The following SEMA3A variants were observed in gnomAD, a reference collection of about 807,000 sequenced individuals.
The protein encoded by SEMA3A is semaphorin-3A.
In SEMA3A, 29 loss-of-function variants were observed where a neutral mutation model predicts 97.9. The ratio of observed to expected loss-of-function variants is 0.30; its 90% CI spans 0.22 to 0.40. The LOEUF (loss-of-function observed/expected upper bound fraction) is 0.40. Among genes scored for constraint, SEMA3A ranks in the 10% least tolerant of loss-of-function variants. The pLI, the probability that SEMA3A is intolerant of heterozygous loss-of-function variation, is 1.00. For missense variants in SEMA3A, 763 were observed against 951.3 expected (o/e 0.80, Z 2.60); for synonymous variants, 321 against 323.7 (o/e 0.99, Z 0.09).
At chr7:83,983,836 A>C (rs1304554569) in intron 13 of SEMA3A, among the ~76,000 whole-genome samples, 1 of 152,096 alleles carries the variant, frequency 6.6e-6, no homozygotes, top group Admixed American at 6.6e-5. Context: ...CTCCTTAACA[A>C]AGTGTGGGGT....
At chr7:84,171,553 G>T (rs1157946335) in intron 1 of SEMA3A, among the ~76,000 whole-genome samples, 1 of 151,898 alleles carries the variant, frequency 6.6e-6, no homozygotes, top group Non-Finnish European at 1.5e-5. Flanking sequence ...TAACATAAAG[G>T]TCTCAATTTA....
chr7:84,181,964 A>G (rs933493939), intron 1 of SEMA3A, among the ~76,000 whole-genome samples: 4 of 152,246 alleles, frequency 2.6e-5, no homozygotes, highest in African/African-American at 9.6e-5. Flanking sequence ...TCTTCCAGAA[A>G]AACTCTATAA....
intron 6 of SEMA3A, among the ~76,000 whole-genome samples, chr7:84,021,256 A>G (rs1791317383): frequency 6.7e-6 from 1 of 150,304 alleles, no homozygotes; most frequent in Non-Finnish European, 1.5e-5. Flanking sequence ...TACTGTCTTT[A>G]TAAGCTTGTT....
At chr7:84,093,068 G>T (rs1449656573) in intron 4 of SEMA3A, among the ~76,000 whole-genome samples, 1 of 152,044 alleles carries the variant, frequency 6.6e-6, no homozygotes, top group Non-Finnish European at 1.5e-5. Context: ...GAAATATGGA[G>T]ATACTACGTT....
intron 12 of SEMA3A, among the ~76,000 whole-genome samples, chr7:83,993,730 T>C (rs1365218166): frequency 1.8e-5 from 2 of 109,640 alleles, no homozygotes; most frequent in Non-Finnish European, 3.7e-5. Context: ...CCGACCTTTC[T>C]CTCTGGCTGC....
rs990057132 is a variant in SEMA3A, at chr7:84,397,003, G to A, written c.-245-25103C>T. On this transcript the variant is annotated intron_variant, in intron 1 of 3. Coordinates refer to the SEMA3A transcript ENST00000424555. ...AAAGGTATGTGTTTATTTTTGTTCTGTACCAATCAGAACATAAATGGCAAC... is the reference window on the plus strand; with the variant it reads ...AAAGGTATGTGTTTATTTTTGTTCTATACCAATCAGAACATAAATGGCAAC... 7.2e-5 allele frequency among the ~76,000 whole-genome samples: 11 copies of A among 151,820 alleles called. No individual in the cohort carries two copies. In the East Asian group the frequency reaches 1.9e-3, roughly 27 times the overall value.
chr7:84,414,223 G>A (rs1804362679), intron 1 of SEMA3A, among the ~76,000 whole-genome samples: 1 of 151,994 alleles, frequency 6.6e-6, no homozygotes, highest in African/African-American at 2.4e-5. Context: ...CTATGCACCT[G>A]TGTATGAACA....
At chr7:84,304,029 G>A (rs1214891773) in intron 3 of SEMA3A, among the ~76,000 whole-genome samples, 1 of 152,002 alleles carries the variant, frequency 6.6e-6, no homozygotes, top group Non-Finnish European at 1.5e-5. Context: ...CCATACCAAA[G>A]GTTCTTATTC....
chr7:84,475,232 T>TAG (rs559534125), intron 1 of SEMA3A, among the ~76,000 whole-genome samples: 180 of 152,100 alleles, frequency 1.2e-3, no homozygotes, highest in African/African-American at 3.9e-3. Flanking sequence ...AATGGATTGT[T>TAG]AGAGAGAGAG....
chr7:84,418,438 AC>A (rs1035357483), intron 1 of SEMA3A, among the ~76,000 whole-genome samples: 6 of 152,012 alleles, frequency 3.9e-5, no homozygotes, highest in African/African-American at 1.4e-4. Context: ...ACCAGGTCCC[AC>A]CCACAACATG....
intron 14 of SEMA3A, among the ~76,000 whole-genome samples, chr7:83,978,528 T>G (rs983767916): frequency 6.6e-6 from 1 of 152,212 alleles, no homozygotes; most frequent in African/African-American, 2.4e-5. Context: ...GCTGCTGCTA[T>G]TTTAATGGGT....
chr7:84,283,001 A>G lies in SEMA3A; in HGVS notation c.-83+24206T>C, dbSNP rs1273138972. ...TGCACTCTAGCCTGGGCAATAGAGT[A>G]AGACTCCATCTAAAAAAAAAGCATT... On this transcript the variant is annotated intron_variant, in intron 3 of 3. Coordinates refer to the SEMA3A transcript ENST00000424555. 2.0e-5 allele frequency among the ~76,000 whole-genome samples: 3 copies of G among 151,852 alleles called. No individual in the cohort carries two copies. The East Asian group carries it at 5.8e-4, about 29-fold the overall frequency.
At chr7:84,489,007 T>C (rs1806653218) in intron 1 of SEMA3A, 1 of 152,198 alleles carries the variant, frequency 6.6e-6, no homozygotes, top group African/African-American at 2.4e-5. Flanking sequence ...TTACACTATT[T>C]ACTACCTGTA....
rs894034082 is a variant in SEMA3A at position 84,049,699 on chromosome 7, C to CT, written c.548-3257dup. On this transcript the variant is annotated intron_variant, in intron 5 of 16. Coordinates refer to ENST00000265362, the MANE Select transcript of SEMA3A (RefSeq NM_006080.3). ...GAAGTTATCAAATTATATGTTGATTCTTTTTTTTTTCATTTTTTAAAATTA... is the reference window on the plus strand; with the variant it reads ...GAAGTTATCAAATTATATGTTGATTCTTTTTTTTTTTCATTTTTTAAAATTA... Among the ~76,000 whole-genome samples the CT allele has an allele frequency of 1.9e-3, 286 of 146,964 alleles. 1 individual carries two copies. The highest frequency in any genetic ancestry group is 4.4e-3 in the African/African-American group (177 of 39,894).
Position 84,305,574 on chromosome 7 carries a change from A to G in SEMA3A, c.-83+1633T>C, listed in dbSNP as rs376808230. On this transcript the variant is annotated intron_variant, in intron 3 of 3. Coordinates refer to the SEMA3A transcript ENST00000424555. ...CATATGAGCTCTTGATGTTTTTATA[A>G]ATGAATTTTTAAGTACTGGCTAGAT... Among the ~76,000 whole-genome samples the G allele has an allele frequency of 2.6e-5, 4 of 152,120 alleles. No individual in the cohort carries two copies. The East Asian group carries it at 5.8e-4, about 22-fold the overall frequency.
chr7:84,190,797 G>T, intron 1 of SEMA3A, among the ~76,000 whole-genome samples: 1 of 149,390 alleles, frequency 6.7e-6, no homozygotes, highest in East Asian at 1.9e-4. Flanking sequence ...AATTTACGAA[G>T]AATTGTATTG....
intron 13 of SEMA3A, 79 bp downstream of exon 13, chr7:83,985,357 T>G (rs1000690523): frequency 1.0e-6 from 1 of 997,238 alleles, no homozygotes; most frequent in Non-Finnish European, 1.5e-6. Flanking sequence ...TCTGTGAAAT[T>G]TGATAAATAG....
intron 1 of SEMA3A, among the ~76,000 whole-genome samples, chr7:84,459,512 G>T (rs193230358): frequency 6.6e-6 from 1 of 152,166 alleles, no homozygotes; most frequent in Admixed American, 6.5e-5. Flanking sequence ...AATGTTAGTA[G>T]AGATGAAATA....
In SEMA3A at chr7:84,065,894, G is replaced by A. The variant is rs1432824937; in HGVS notation, c.454-5336C>T. On this transcript the variant is annotated intron_variant, in intron 4 of 16. Transcript: ENST00000265362. ...GAAACTATTCCAATCAATAGAAAAA[G>A]AGGGAATCCTCCCTAACTCATTTTA... 3.0e-3 allele frequency among the ~76,000 whole-genome samples: 445 copies of A among 150,586 alleles called. 3 individuals are homozygous for A. The highest frequency in any genetic ancestry group is 0.01 in the African/African-American group (419 of 40,096).
Sources: gnomAD v4.1 joint callset for allele counts (sites outside exome capture counted in the v4.1 genomes callset) on GRCh38, gnomAD v4.1.1 for gene constraint, MANE v1.5 for transcripts, NCBI Gene and HGNC (gene_info 2026-07-23, HGNC 2026-07-21) for gene names.